HTT: variants seen among roughly 807,000 people sequenced by gnomAD.
The protein encoded by HTT is huntington disease protein.
A neutral mutation model predicts 362.3 loss-of-function variants in HTT; 104 were observed. The observed-to-expected ratio is 0.29, with a 90% confidence interval of 0.24 to 0.34. The LOEUF (loss-of-function observed/expected upper bound fraction) is 0.34. Among genes scored for constraint, HTT ranks in the 10% least tolerant of loss-of-function variants. The pLI is 1.00. For synonymous variants in HTT, 1,577 were observed against 1,548.7 expected (o/e 1.02, Z -0.43); for missense variants, 3,301 against 3,928.6 (o/e 0.84, Z 4.27).
intron 41 of HTT, among the ~76,000 whole-genome samples, chr4:3,201,686 G>GA (rs1175441309): frequency 6.6e-6 from 1 of 152,060 alleles, no homozygotes; most frequent in Non-Finnish European, 1.5e-5. Flanking sequence ...GTGGTGGAAG[G>GA]AAAAAATAAA....
intron 26 of HTT, among the ~76,000 whole-genome samples, chr4:3,149,257 A>G (rs1300228133): frequency 7.0e-6 from 1 of 143,552 alleles, no homozygotes; most frequent in Non-Finnish European, 1.5e-5. Flanking sequence ...AATGTTAACT[A>G]TTTGTACAAT....
chr4:3,188,887 T>C, intron 39 of HTT, 64 bp from the exon 40 acceptor site: 1 of 1,427,914 alleles, frequency 7.0e-7, no homozygotes, highest in South Asian at 1.2e-5. Flanking sequence ...TTTTCATGTA[T>C]ACTTGGCGTA....
intron 38 of HTT, 121 bp downstream of exon 38, chr4:3,186,840 T>G (rs1441981714): frequency 3.7e-5 from 8 of 218,690 alleles, no homozygotes; most frequent in Non-Finnish European, 4.7e-5. Context: ...AGAGTTTGCT[T>G]TTTTTTTTTT....
At chr4:3,091,318 C>T (rs1713495684) in intron 2 of HTT, among the ~76,000 whole-genome samples, 1 of 152,064 alleles carries the variant, frequency 6.6e-6, no homozygotes, top group Non-Finnish European at 1.5e-5. Flanking sequence ...TTTGGGAGAA[C>T]ATTATATCTC....
chr4:3,180,801 G>C (rs914174233), intron 36 of HTT, 150 bp downstream of exon 36: 1 of 245,100 alleles, frequency 4.1e-6, no homozygotes, highest in Non-Finnish European at 7.7e-6. Context: ...GGTGCAGGGG[G>C]ATGGGGAGGG....
intron 12 of HTT, among the ~76,000 whole-genome samples, chr4:3,127,933 C>T (rs952514778): frequency 1.3e-5 from 2 of 151,794 alleles, no homozygotes; most frequent in Non-Finnish European, 2.9e-5. Context: ...CACTGCACTC[C>T]AGCCCGGGCA....
chr4:3,120,339 G>C (rs1414138422), intron 8 of HTT, among the ~76,000 whole-genome samples: 1 of 152,124 alleles, frequency 6.6e-6, no homozygotes. Context: ...TTAAATTTGA[G>C]TGCCTTGTAT....
intron 4 of HTT, among the ~76,000 whole-genome samples, chr4:3,105,132 G>T (rs544102504): frequency 2.0e-5 from 3 of 152,088 alleles, no homozygotes; most frequent in East Asian, 1.9e-4. Flanking sequence ...TCTTCAAAAG[G>T]TTACTCTTTA....
intron 26 of HTT, among the ~76,000 whole-genome samples, chr4:3,150,105 T>C (rs1203412788): frequency 1.3e-5 from 2 of 152,192 alleles, no homozygotes; most frequent in African/African-American, 2.4e-5. Flanking sequence ...CAGCACATGC[T>C]TTCTAGGCTC....
intron 29 of HTT, among the ~76,000 whole-genome samples, chr4:3,171,546 C>T (rs4690075): frequency 0.24 from 36,306 of 150,932 alleles, 5,619 homozygotes; most frequent in East Asian, 0.39. Flanking sequence ...GGCGCCATCT[C>T]GGCTCACTGT....
At chr4:3,209,722 T>C in intron 46 of HTT, 105 bp from the exon 47 acceptor site, 1 of 1,393,190 alleles carries the variant, frequency 7.2e-7, no homozygotes, top group African/African-American at 1.4e-5. Context: ...CCTCTCAGCC[T>C]AGTGCGGTGT....
chr4:3,190,995 A>C (rs1472181599), intron 40 of HTT, among the ~76,000 whole-genome samples: 1 of 152,210 alleles, frequency 6.6e-6, no homozygotes, highest in Non-Finnish European at 1.5e-5. Context: ...TTGATTGTTC[A>C]GCAGTTGATC....
At chr4:3,217,091 A>AG (rs1720442060) in intron 51 of HTT, among the ~76,000 whole-genome samples, 1 of 152,146 alleles carries the variant, frequency 6.6e-6, no homozygotes. Context: ...AAGTCCAATG[A>AG]GAAGTCCTTC....
At chr4:3,132,783 G>A in intron 17 of HTT, 31 bp from the exon 18 acceptor site, 2 of 1,612,220 alleles carry the variant, frequency 1.2e-6, no homozygotes, top group Non-Finnish European at 1.7e-6. Context: ...AAGTTTAGAT[G>A]ATGATGTTTG....
At chr4:3,135,814 C>A (rs1310307306) in intron 19 of HTT, 90 bp from the exon 20 acceptor site, 3 of 925,634 alleles carry the variant, frequency 3.2e-6, no homozygotes, top group African/African-American at 3.4e-5. Context: ...CCTTCCAGGG[C>A]ACCTGGATGA....
chr4:3,231,841 CT>C (rs2110298250), intron 60 of HTT, among the ~76,000 whole-genome samples: 1 of 152,308 alleles, frequency 6.6e-6, no homozygotes, highest in Admixed American at 6.5e-5. Flanking sequence ...CCAGATCCCC[CT>C]AGGCAAGTGT....
chr4:3,094,688 C>A (rs1247138104), intron 2 of HTT, among the ~76,000 whole-genome samples: 6 of 121,778 alleles, frequency 4.9e-5, no homozygotes, highest in African/African-American at 2.0e-4. Context: ...ACCTCCCGGA[C>A]GGGGCGGCTG....
chr4:3,116,371 C>A, intron 8 of HTT, 108 bp downstream of exon 8: 1 of 946,596 alleles, frequency 1.1e-6, no homozygotes, highest in South Asian at 1.6e-5. Context: ...GGTGTGGACT[C>A]TGGAGCTGCG....
intron 29 of HTT, among the ~76,000 whole-genome samples, chr4:3,168,933 T>C (rs568616637): frequency 5.1e-4 from 77 of 152,274 alleles, no homozygotes; most frequent in Admixed American, 9.8e-4. Flanking sequence ...CTTGTGTTTC[T>C]TGTGCCTGGG....
Sources: gnomAD v4.1 joint callset for allele counts (sites outside exome capture counted in the v4.1 genomes callset) on GRCh38, gnomAD v4.1.1 for gene constraint, MANE v1.5 for transcripts, NCBI Gene and HGNC (gene_info 2026-07-23, HGNC 2026-07-21) for gene names.